Variants in SH3TC2 observed in about 807,000 individuals in gnomAD.
The protein encoded by SH3TC2 is SH3 domain and tetratricopeptide repeat-containing protein 2.
SH3TC2 carries 87 observed loss-of-function variants against 124.5 expected under a neutral mutation model. The observed-to-expected ratio is 0.70, with a 90% CI of 0.59 to 0.84. The LOEUF is 0.84. Ranked by LOEUF, SH3TC2 falls within the 40% of genes least tolerant of loss-of-function variation. The pLI, the probability that SH3TC2 is intolerant of heterozygous loss-of-function variation, is 0.00. For synonymous variants in SH3TC2, 634 were observed against 628.5 expected (o/e 1.01, Z -0.13); for missense variants, 1,536 against 1,566.4 (o/e 0.98, Z 0.33).
At chr5:149,022,899 G>A (rs1162128468) in intron 12 of SH3TC2, among the ~76,000 whole-genome samples, 1 of 152,308 alleles carries the variant, frequency 6.6e-6, no homozygotes, top group East Asian at 1.9e-4. Flanking sequence ...GTTGGGTAAT[G>A]AGGAGTGGGT....
At chr5:149,023,983 T>G (rs1431304990) in intron 12 of SH3TC2, among the ~76,000 whole-genome samples, 5 of 152,146 alleles carry the variant, frequency 3.3e-5, no homozygotes, top group African/African-American at 1.2e-4. Context: ...GGAGAATCCT[T>G]AAGAAAAGAT....
intron 15 of SH3TC2, 193 bp downstream of exon 15, chr5:149,008,658 C>A: frequency 2.9e-6 from 2 of 701,222 alleles, no homozygotes; most frequent in Admixed American, 2.5e-5. Flanking sequence ...TATTTTTAAT[C>A]CTGATTTGGT....
At chr5:149,058,443 C>T (rs139882525) in intron 1 of SH3TC2, among the ~76,000 whole-genome samples, 50 of 152,172 alleles carry the variant, frequency 3.3e-4, no homozygotes, top group African/African-American at 7.2e-4. Context: ...TAATGACTTA[C>T]GATGTTAATC....
intron 3 of SH3TC2, chr5:149,046,986 T>C (rs1234613721): frequency 2.6e-5 from 4 of 152,230 alleles, no homozygotes; most frequent in Non-Finnish European, 1.5e-5. Flanking sequence ...ACTTTTCTCC[T>C]TCAGTTTGTA....
At chr5:149,011,423 T>C (rs1361889388) in intron 13 of SH3TC2, among the ~76,000 whole-genome samples, 1 of 152,198 alleles carries the variant, frequency 6.6e-6, no homozygotes, top group East Asian at 1.9e-4. Context: ...TTGTCTGCTC[T>C]CTGGAAACCC....
In SH3TC2 at chr5:148,986,556, T is replaced by C. The variant is rs564549424; in HGVS notation, c.*18155A>G. Among the ~76,000 whole-genome samples, 2 of 152,238 alleles carry C rather than the reference T, an allele frequency of 1.3e-5. No homozygotes were observed. Among genetic ancestry groups the C allele is most frequent in the Non-Finnish European group, 2.9e-5 (2 of 68,044 alleles). The stretch of plus-strand genomic sequence containing the variant: ...AGGGTAGCAACCTCCATCAACTACA[T>C]TGCTTAGAATGCAGTAAGTTCTTAA... On this transcript the variant is annotated 3_prime_UTR_variant, in exon 17 of 17. Transcript: ENST00000515425.
In SH3TC2 at chr5:149,047,992, TAAAG is replaced by T. The variant is rs1754495925; in HGVS notation, c.152-7_152-4del. 1 of 1,613,886 alleles carries T rather than the reference TAAAG, an allele frequency of 6.2e-7. No homozygotes were observed. Among genetic ancestry groups the T allele is most frequent in the Non-Finnish European group, 8.5e-7 (1 of 1,179,942 alleles). ...TACACAGAAGGAGAGTGTCAGGTCT[TAAAG>T]AGAACAGAGAGAGAAGGATCAGGCT... On this transcript the variant is annotated splice_region_variant and splice_polypyrimidine_tract_variant and intron_variant, in intron 2 of 16. Coordinates refer to ENST00000515425, the MANE Select transcript of SH3TC2 (RefSeq NM_024577.4).
At chr5:149,054,844 C>T (rs1754615028) in intron 1 of SH3TC2, among the ~76,000 whole-genome samples, 1 of 152,090 alleles carries the variant, frequency 6.6e-6, no homozygotes, top group African/African-American at 2.4e-5. Context: ...TAGAATTCTC[C>T]AAGAAAATAC....
chr5:149,042,632 T>C, intron 5 of SH3TC2, 62 bp downstream of exon 5: 1 of 1,605,702 alleles, frequency 6.2e-7, no homozygotes, highest in Non-Finnish European at 8.5e-7. Context: ...CCTGCTTATT[T>C]CATGGCCTCT....
intron 12 of SH3TC2, chr5:149,025,718 G>C (rs568567395): frequency 6.6e-6 from 1 of 152,264 alleles, no homozygotes; most frequent in African/African-American, 2.4e-5. Flanking sequence ...AACAGAAGAT[G>C]GCAAAATCTT....
At chr5:149,045,649 G>C (rs967055249) in intron 3 of SH3TC2, 3 of 153,286 alleles carry the variant, frequency 2.0e-5, no homozygotes, top group African/African-American at 7.3e-5. Context: ...GTTTTCTTTT[G>C]TTTTGTTTTT....
At chr5:149,016,462 T>C (rs1296573779) in intron 12 of SH3TC2, among the ~76,000 whole-genome samples, 3 of 152,176 alleles carry the variant, frequency 2.0e-5, no homozygotes, top group African/African-American at 7.2e-5. Flanking sequence ...GTAGTGTGCA[T>C]TATAGCCTTG....
At position 149,008,912 on chromosome 5, in the gene SH3TC2, G is replaced by C. The variant is rs367649953; in HGVS notation, c.3417C>G (p.Leu1139=). 13 of 1,614,166 alleles carry C rather than the reference G, an allele frequency of 8.1e-6. No homozygotes were observed. The highest frequency in any genetic ancestry group is 2.2e-5 in the South Asian group (2 of 91,080). The change falls in exon 15 of 17, where the codon CTC becomes CTG. Residue 1139 remains leucine, a synonymous_variant. Coordinates refer to ENST00000515425, the MANE Select transcript of SH3TC2 (RefSeq NM_024577.4). ...FNKLTELQIS[L]EGYEKALEFA... is the part of the protein sequence containing the mutation. The stretch of plus-strand genomic sequence containing the variant: ...ATTCCAAAGCCTTCTCATAGCCTTC[G>C]AGGCTAATCTGCAGCTCTGTCAGCT...
At position 149,040,585 on chromosome 5, in the gene SH3TC2, G is replaced by T; in HGVS notation, c.805+19C>A. ...AACATTATCTCCCTAACAATACTAT[G>T]TTTTTGACTCAGCCATACCAATCTG... is the stretch of plus-strand genomic sequence containing the variant. On this transcript the variant is annotated intron_variant, in intron 7 of 16. Transcript: ENST00000515425. 1 of 1,607,014 alleles carries T rather than the reference G, an allele frequency of 6.2e-7. No individual in the cohort carries two copies. The highest frequency in any genetic ancestry group is 8.5e-7 in the Non-Finnish European group (1 of 1,173,604).
intron 14 of SH3TC2, 90 bp downstream of exon 14, chr5:149,010,177 AGAG>A (rs1753760039): frequency 4.5e-6 from 7 of 1,544,266 alleles, no homozygotes; most frequent in Middle Eastern, 2.1e-4. Flanking sequence ...TACAAGCAAG[AGAG>A]GAGAAGAGGG....
chr5:149,003,731 G>GTTCCAGCTACTCAGGAGGTTGACACTGGA lies in SH3TC2; in HGVS notation c.*951_*979dup. The GTTCCAGCTACTCAGGAGGTTGACACTGGA allele has an allele frequency of 2.3e-6, 1 of 432,134 alleles. No homozygotes were observed. Among genetic ancestry groups the GTTCCAGCTACTCAGGAGGTTGACACTGGA allele is most frequent in the South Asian group, 1.7e-5 (1 of 59,872 alleles). 26.8% of individuals were successfully genotyped at this position (432,134 alleles called of 1,614,324 possible). A position where few individuals can be genotyped will look rare whatever the true frequency, so the allele number is the denominator to read the frequency against. ...TAGTTGGGTATGGCACATGCCTGTAGTTCCAGCTACTCAGGAGGTTGACAC... is the reference window on the plus strand; with the variant it reads ...TAGTTGGGTATGGCACATGCCTGTAGTTCCAGCTACTCAGGAGGTTGACACTGGATTCCAGCTACTCAGGAGGTTGACAC... On this transcript the variant is annotated 3_prime_UTR_variant, in exon 17 of 17. Coordinates refer to ENST00000515425, the MANE Select transcript of SH3TC2 (RefSeq NM_024577.4).
chr5:148,987,603 T>A lies in SH3TC2; in HGVS notation c.*17108A>T, dbSNP rs193105345. On this transcript the variant is annotated 3_prime_UTR_variant, in exon 17 of 17. Transcript: ENST00000515425. ...TCTCACCTATAGCATTTTCAAAGAG[T>A]CTCACTATATATAAACACTGAAATA... Among the ~76,000 whole-genome samples, 12 of 152,112 alleles carry A rather than the reference T, an allele frequency of 7.9e-5. No homozygotes were observed. In the East Asian group the frequency reaches 2.3e-3, roughly 29 times the overall value.
rs1215123371 is a variant in SH3TC2 at position 149,005,004 on chromosome 5, G to C, written c.3676-102C>G. On this transcript the variant is annotated intron_variant, in intron 16 of 16. Transcript: ENST00000515425. ...CCACTCTAGTTTTTTTTGTTTGTTT[G>C]TTTGTTTGTTTGTTTGCCCAACATC... is the stretch of plus-strand genomic sequence containing the variant. The C allele has an allele frequency of 3.0e-6, 4 of 1,311,842 alleles. No homozygotes were observed. The African/African-American group carries it at 5.9e-5, about 19-fold the overall frequency. The allele number at this position is 1,311,842 out of a possible 1,614,324, so 81.3% of individuals were successfully genotyped here.
At chr5:149,026,023 A>G (rs1561763974) in intron 12 of SH3TC2, 1 of 154,400 alleles carries the variant, frequency 6.5e-6, no homozygotes, top group African/African-American at 2.4e-5. Flanking sequence ...CTACAATTTC[A>G]TTTTAAAGGT....
Sources: gnomAD v4.1 joint callset for allele counts (sites outside exome capture counted in the v4.1 genomes callset) on GRCh38, gnomAD v4.1.1 for gene constraint, MANE v1.5 for transcripts, NCBI Gene and HGNC (gene_info 2026-07-23, HGNC 2026-07-21) for gene names.